STK31: variants seen among roughly 807,000 people sequenced by gnomAD.
The protein encoded by STK31 is serine/threonine-protein kinase 31.
STK31 carries 89 observed loss-of-function variants against 129.7 expected under a neutral mutation model. That is an observed-to-expected ratio of 0.69 (90% CI 0.58 to 0.82). STK31 has a LOEUF of 0.82. STK31 is among the 40% of genes least tolerant of loss of function. The probability of loss-of-function intolerance (pLI) is 0.00; values close to 1 mark genes in which losing one functional copy is unlikely to be tolerated. For missense variants in STK31, 1,187 were observed against 1,176.4 expected, an observed-to-expected ratio of 1.01 and a Z score of -0.13; for synonymous variants, 448 against 395.3, an observed-to-expected ratio of 1.13 and a Z score of -1.58.
Position 23,830,246 on chromosome 7 carries a change from AT to A in STK31, c.2830-1882del, listed in dbSNP as rs1156244521. On this transcript the variant is annotated intron_variant, in intron 23 of 23. Coordinates refer to ENST00000355870, the MANE Select transcript of STK31 (RefSeq NM_031414.5). ...TTGATTTTGTTTATCTTTTAAAAAA[AT>A]TTTTTTTGTGGATCCTTTGTATTTT... 4.0e-5 allele frequency among the ~76,000 whole-genome samples: 6 copies of A among 151,870 alleles called. No homozygotes were observed. In the South Asian group the frequency reaches 1.0e-3, roughly 26 times the overall value.
chr7:23,735,634 T>C lies in STK31; in HGVS notation c.580T>C (p.Tyr194His). The stretch of plus-strand genomic sequence containing the variant: ...TGGAACAGTTATTGCTCAGGCTGAG[T>C]ATGGCAGTGTGGATATAGGGGAAGA... ...EDGTVIAQAE[Y>H]GSVDIGEEVL... is the part of the protein sequence containing the mutation. Residue 194 changes from tyrosine (Y) to histidine (H), a missense_variant, in exon 7 of 24, where the codon TAT (tyrosine) becomes CAT (histidine). Tyr to His is a moderately conservative substitution (Grantham distance 83). This residue lies in a region of STK31 where 103 missense variants were observed against 110.4 expected (regional missense o/e 0.93). Coordinates refer to ENST00000355870, the MANE Select transcript of STK31 (RefSeq NM_031414.5). The C allele has an allele frequency of 1.5e-5, 25 of 1,614,030 alleles. No individual in the cohort carries two copies. The highest frequency in any genetic ancestry group is 2.1e-5 in the Non-Finnish European group (25 of 1,180,012).
chr7:23,770,946 G>A (rs949976700), intron 13 of STK31, 59 bp from the exon 14 acceptor site: 22 of 1,489,412 alleles, frequency 1.5e-5, no homozygotes, highest in East Asian at 7.7e-5. Flanking sequence ...TGTTATTGGA[G>A]GCCTTAGCTG....
At chr7:23,755,445 AG>A (rs759359741) in intron 10 of STK31, among the ~76,000 whole-genome samples, 98 of 152,302 alleles carry the variant, frequency 6.4e-4, no homozygotes, top group Non-Finnish European at 1.1e-3. Context: ...TCAGGAGAAC[AG>A]GTTGCCTGTT....
Position 23,818,628 on chromosome 7 carries a change from AAAC to A in STK31, c.2829+3422_2829+3424del, listed in dbSNP as rs1036007489. ...TGCTTTTTTGTTTTGTTAAAAAAAAAAACAACAAAAAGCAACAAAAAAATAAAG... is the reference window on the plus strand; with the variant it reads ...TGCTTTTTTGTTTTGTTAAAAAAAAAAACAAAAAGCAACAAAAAAATAAAG... On this transcript the variant is annotated intron_variant, in intron 23 of 23. Coordinates refer to ENST00000355870, the MANE Select transcript of STK31 (RefSeq NM_031414.5). 6.0e-5 allele frequency among the ~76,000 whole-genome samples: 9 copies of A among 150,078 alleles called. No individual in the cohort carries two copies. In the South Asian group the frequency reaches 1.3e-3, roughly 21 times the overall value.
chr7:23,766,176 T>C (rs942100141), intron 11 of STK31, among the ~76,000 whole-genome samples: 2 of 152,232 alleles, frequency 1.3e-5, no homozygotes, highest in African/African-American at 4.8e-5. Flanking sequence ...CAAATAGTTG[T>C]TTAGCTGACT....
chr7:23,749,849 T>A (rs920025128), intron 8 of STK31, among the ~76,000 whole-genome samples: 5 of 152,010 alleles, frequency 3.3e-5, no homozygotes, highest in Non-Finnish European at 2.9e-5. Context: ...TTCCTCCCCC[T>A]TTAGGTGGGA....
intron 23 of STK31, among the ~76,000 whole-genome samples, chr7:23,818,945 C>T (rs1209039769): frequency 1.3e-5 from 2 of 152,104 alleles, no homozygotes; most frequent in African/African-American, 4.8e-5. Flanking sequence ...TTAAAATCAG[C>T]TTTCATGGCT....
chr7:23,710,375 T>G (rs1785863288), intron 1 of STK31, 40 bp downstream of exon 1: 1 of 1,613,132 alleles, frequency 6.2e-7, no homozygotes, highest in Non-Finnish European at 8.5e-7. Flanking sequence ...TGGTGGCCGC[T>G]TCAAGGACTA....
intron 21 of STK31, among the ~76,000 whole-genome samples, chr7:23,789,350 A>C (rs1791483453): frequency 6.6e-6 from 1 of 152,108 alleles, no homozygotes; most frequent in Admixed American, 6.6e-5. Context: ...TTGAGGAGCC[A>C]AACTGTTTTC....
chr7:23,810,265 T>A (rs1047712578), intron 22 of STK31, among the ~76,000 whole-genome samples: 1 of 152,128 alleles, frequency 6.6e-6, no homozygotes, highest in Non-Finnish European at 1.5e-5. Flanking sequence ...GCCATCCGTT[T>A]ACTCCAAAGG....
intron 6 of STK31, among the ~76,000 whole-genome samples, chr7:23,729,941 T>C (rs1787303373): frequency 6.6e-6 from 1 of 152,238 alleles, no homozygotes; most frequent in Admixed American, 6.5e-5. Context: ...TTGAAATTAA[T>C]GGGGTTATAA....
chr7:23,785,729 A>C, intron 18 of STK31, 126 bp downstream of exon 18: 1 of 1,255,838 alleles, frequency 8.0e-7, no homozygotes, highest in Non-Finnish European at 1.1e-6. Flanking sequence ...CTGGCATGAT[A>C]ATTGTGCTTG....
At chr7:23,735,940 C>T (rs779333396) in intron 7 of STK31, 44 bp downstream of exon 7, 6 of 1,456,188 alleles carry the variant, frequency 4.1e-6, no homozygotes, top group Non-Finnish European at 5.6e-6. Context: ...TGGTAGAGGT[C>T]CCTGTCATAG....
chr7:23,735,540 C>T lies in STK31; in HGVS notation c.486C>T (p.Gly162=), dbSNP rs771568049. Residue 162 remains glycine (G), a splice_region_variant and synonymous_variant, in exon 7 of 24, where the codon GGC becomes GGT. Transcript: ENST00000355870. ...GTTTATGTTTTCTTCTTTCTTAGGGCACAACCTTTTTGGGGAGCTTGATTT... is the reference window on the plus strand; with the variant it reads ...GTTTATGTTTTCTTCTTTCTTAGGGTACAACCTTTTTGGGGAGCTTGATTT... ...SDQEVTQFDQ[G]TTFLGSLIFE... is the part of the protein sequence containing the mutation. The T allele has an allele frequency of 2.5e-6, 4 of 1,590,084 alleles. No homozygotes were observed. Among genetic ancestry groups the T allele is most frequent in the Admixed American group, 1.8e-5 (1 of 56,872 alleles).
chr7:23,740,056 C>G (rs1391704808), intron 8 of STK31, among the ~76,000 whole-genome samples: 1 of 152,068 alleles, frequency 6.6e-6, no homozygotes, highest in Non-Finnish European at 1.5e-5. Flanking sequence ...CTATCAATTA[C>G]TTTGGGCAGT....
At chr7:23,810,588 G>T (rs150710983) in intron 22 of STK31, among the ~76,000 whole-genome samples, 3,745 of 124,882 alleles carry the variant, frequency 0.03, 106 homozygotes, top group Middle Eastern at 0.052. Flanking sequence ...AAAATTTTAA[G>T]AGTCCATCTT....
intron 8 of STK31, among the ~76,000 whole-genome samples, chr7:23,746,918 C>CT (rs1330274803): frequency 4.0e-5 from 6 of 151,606 alleles, no homozygotes; most frequent in Non-Finnish European, 8.8e-5. Flanking sequence ...AAACTTTTTA[C>CT]TTTTTTTTCT....
chr7:23,818,980 A>G (rs1270073015), intron 23 of STK31, among the ~76,000 whole-genome samples: 3 of 152,150 alleles, frequency 2.0e-5, no homozygotes, highest in Non-Finnish European at 2.9e-5. Context: ...TTCTTCTAAG[A>G]CATCTTTATA....
At chr7:23,751,904 G>A (rs1405164688) in intron 8 of STK31, among the ~76,000 whole-genome samples, 1 of 148,528 alleles carries the variant, frequency 6.7e-6, no homozygotes. Flanking sequence ...ATTTTTATTC[G>A]AAGTTCCTAG....
Sources: gnomAD v4.1 joint callset for allele counts (sites outside exome capture counted in the v4.1 genomes callset) on GRCh38, gnomAD v4.1.1 for gene constraint, gnomAD v4.1.1 regional missense constraint, MANE v1.5 for transcripts, NCBI Gene and HGNC (gene_info 2026-07-23, HGNC 2026-07-21) for gene names.